DUXA: variants seen among roughly 807,000 people sequenced by gnomAD.
The protein encoded by DUXA is double homeobox A.
A neutral mutation model predicts 27.5 loss-of-function variants in DUXA; 25 were observed. That is an observed-to-expected ratio of 0.91 (90% CI 0.66 to 1.27). The LOEUF is 1.27. DUXA is among the 50% of genes most tolerant of loss of function. The probability of loss-of-function intolerance (pLI) is 0.00; values close to 1 mark genes in which losing one functional copy is unlikely to be tolerated. For synonymous variants in DUXA, 90 were observed against 80.5 expected (o/e 1.12, Z -0.63); for missense variants, 247 against 242.9 (o/e 1.02, Z -0.11).
chr19:57,154,657 G>A (rs768607074), intron 5 of DUXA, among the ~76,000 whole-genome samples, 175 bp from the exon 6 acceptor site: 31 of 151,582 alleles, frequency 2.0e-4, no homozygotes, highest in Middle Eastern at 6.8e-3. Flanking sequence ...TCCGCCTCCC[G>A]GGTTCACGCC....
Position 57,155,317 on chromosome 19 carries a change from A to G in DUXA, c.494T>C (p.Val165Ala), listed in dbSNP as rs1364462785. The G allele has an allele frequency of 6.2e-7, 1 of 1,614,244 alleles. No individual in the cohort carries two copies. Among genetic ancestry groups the G allele is most frequent in the Non-Finnish European group, 8.5e-7 (1 of 1,180,046 alleles). The change falls in exon 5 of 6, where the codon GTG becomes GCG. Residue 165 changes from valine to alanine, a missense_variant. Physicochemically the swap from Val to Ala is moderately conservative, Grantham distance 64 (BLOSUM62 0). Transcript: ENST00000554048. ...CTGCTCTTCTTGTTCTAAGGACGCC[A>G]CAGGTTCCCTTTTTCTCTGGAGAAG... ...RLLLQRKREP[V>A]ASLEQEEQGK...
At chr19:57,165,325 ATATAT>A (rs1484634241) in intron 1 of DUXA, among the ~76,000 whole-genome samples, 6 of 73,630 alleles carry the variant, frequency 8.1e-5, no homozygotes, top group Non-Finnish European at 1.7e-4. Flanking sequence ...AAAAAAAAAA[ATATAT>A]ATATATATAT....
chr19:57,157,070 A>G (rs2086996305), intron 4 of DUXA, among the ~76,000 whole-genome samples: 1 of 152,202 alleles, frequency 6.6e-6, no homozygotes, highest in Non-Finnish European at 1.5e-5. Context: ...TACCTAGCAC[A>G]TAGTAGATGC....
Position 57,165,324 on chromosome 19 carries a change from A to ATATATATATATATATAT in DUXA, c.25+2094_25+2095insATATATATATATATATA, listed in dbSNP as rs1555759590. Among the ~76,000 whole-genome samples, 302 of 89,094 alleles carry ATATATATATATATATAT rather than the reference A, an allele frequency of 3.4e-3. 1 individual carries two copies. The highest frequency in any genetic ancestry group is 6.0e-3 in the Middle Eastern group (1 of 168). The allele number at this position is 89,094 out of a possible 152,430, so 58.4% of individuals were successfully genotyped here. ...TCTGGAGTAGGAAAAAAAAAAAAAA[A>ATATATATATATATATAT]ATATATATATATATATATATGTATA... is the stretch of plus-strand genomic sequence containing the variant. On this transcript the variant is annotated intron_variant, in intron 1 of 5. Transcript: ENST00000554048.
At chr19:57,165,028 G>A (rs1471225217) in intron 1 of DUXA, among the ~76,000 whole-genome samples, 2 of 152,076 alleles carry the variant, frequency 1.3e-5, no homozygotes, top group Non-Finnish European at 2.9e-5. Context: ...AAAGAAAAAT[G>A]TCTTAGTATA....
At position 57,156,766 on chromosome 19, in the gene DUXA, G is replaced by A. The variant is rs1426977202; in HGVS notation, c.439-1394C>T. Among the ~76,000 whole-genome samples, 3 of 152,142 alleles carry A rather than the reference G, an allele frequency of 2.0e-5. No homozygotes were observed. In the East Asian group the frequency reaches 5.8e-4, roughly 29 times the overall value. On this transcript the variant is annotated intron_variant, in intron 4 of 5. Transcript: ENST00000554048. ...CGCAACCTCCGCCTCCCGGGTTCAA[G>A]CAATTCTCCTGCCTCAGCCTCCGGA...
chr19:57,163,284 A>G (rs1449773415), intron 1 of DUXA, among the ~76,000 whole-genome samples: 3 of 151,742 alleles, frequency 2.0e-5, no homozygotes, highest in Non-Finnish European at 4.4e-5. Flanking sequence ...CCATGCTATG[A>G]CCTCTCACTT....
At chr19:57,155,509 C>T in intron 4 of DUXA, 137 bp from the exon 5 acceptor site, 1 of 665,738 alleles carries the variant, frequency 1.5e-6, no homozygotes, top group Non-Finnish European at 2.5e-6. Flanking sequence ...AGCTGTGCAT[C>T]ATCACCTTAG....
In DUXA at chr19:57,155,072, G is replaced by GGCA. The variant is rs528927992; in HGVS notation, c.544+192_544+194dup. Among the ~76,000 whole-genome samples the GGCA allele has an allele frequency of 3.1e-4, 47 of 152,330 alleles. No individual in the cohort carries two copies. The South Asian group carries it at 9.3e-3, about 30-fold the overall frequency. ...GTTGCTGGAATCCAGTTGGAAAGTG[G>GGCA]GCAGTGGATTCTTCAGAAGGTTCAT... On this transcript the variant is annotated intron_variant, in intron 5 of 5. Transcript: ENST00000554048.
rs556993668 is a variant in DUXA at position 57,161,585 on chromosome 19, T to C, written c.26-788A>G. 1.7e-3 allele frequency among the ~76,000 whole-genome samples: 263 copies of C among 150,830 alleles called. 1 individual carries two copies. Among genetic ancestry groups the C allele is most frequent in the African/African-American group, 6.0e-3 (247 of 40,990 alleles). On this transcript the variant is annotated intron_variant, in intron 1 of 5. Transcript: ENST00000554048. ...TTGCAGTGAGCCGAGATTGCGCCAC[T>C]GCACTCCAGCCTGGGTGACAGAGCG...
intron 4 of DUXA, among the ~76,000 whole-genome samples, 177 bp downstream of exon 4, chr19:57,158,151 G>A (rs1020325666): frequency 6.6e-6 from 1 of 152,246 alleles, no homozygotes; most frequent in East Asian, 1.9e-4. Context: ...ATACCAGAAG[G>A]GGATGTGAGA....
chr19:57,164,510 G>A (rs1024112848), intron 1 of DUXA, among the ~76,000 whole-genome samples: 1 of 152,136 alleles, frequency 6.6e-6, no homozygotes, highest in Non-Finnish European at 1.5e-5. Flanking sequence ...GGGAGGCAGA[G>A]GTTGCAGTGA....
At chr19:57,156,918 G>C (rs1438429994) in intron 4 of DUXA, among the ~76,000 whole-genome samples, 1 of 152,016 alleles carries the variant, frequency 6.6e-6, no homozygotes, top group Non-Finnish European at 1.5e-5. Context: ...CACCCGCCTT[G>C]GCCTCCCAAA....
chr19:57,161,349 C>T (rs145413321), intron 1 of DUXA, among the ~76,000 whole-genome samples: 7,430 of 79,176 alleles, frequency 0.094, 547 homozygotes, highest in East Asian at 0.39. Flanking sequence ...AAAAACTGGG[C>T]GCGGTGGCTC....
chr19:57,162,131 C>T (rs1029921894), intron 1 of DUXA, among the ~76,000 whole-genome samples: 12 of 152,084 alleles, frequency 7.9e-5, no homozygotes, highest in Admixed American at 7.2e-4. Context: ...AAAGCGATTC[C>T]CCAGCCTTGG....
At chr19:57,155,021 TACA>T (rs1180923681) in intron 5 of DUXA, among the ~76,000 whole-genome samples, 2 of 152,250 alleles carry the variant, frequency 1.3e-5, no homozygotes, top group African/African-American at 4.8e-5. Context: ...GCACTGGGGA[TACA>T]ACAGTGAATT....
In DUXA at chr19:57,160,655, C is replaced by G. The variant is rs1357273358; in HGVS notation, c.168G>C (p.Glu56Asp). The G allele has an allele frequency of 6.2e-7, 1 of 1,612,544 alleles. No individual in the cohort carries two copies. The highest frequency in any genetic ancestry group is 1.1e-5 in the South Asian group (1 of 90,956). Residue 56 changes from glutamate to aspartate, a missense_variant, in exon 2 of 6, where the codon GAG (glutamate) becomes GAC (aspartate). Physicochemically the swap from Glu to Asp is conservative, Grantham distance 45. Transcript: ENST00000554048. ...QKLALEINTE[E>D]SRIQIWFQNR... ...AACTTTAACTTACCTGGATTCTGGA[C>G]TCTTCTGTATTGATTTCTAAAGCAA...
rs76540597 is a variant in DUXA at position 57,165,942 on chromosome 19, C to T, written c.25+1477G>A. On this transcript the variant is annotated intron_variant, in intron 1 of 5. Coordinates refer to ENST00000554048, the MANE Select transcript of DUXA (RefSeq NM_001012729.2). ...GTGTATCAGATGATGAGTATTTCCACGGCAAAGAAGACTCAAGTGGCAAGA... is the reference window on the plus strand; with the variant it reads ...GTGTATCAGATGATGAGTATTTCCATGGCAAAGAAGACTCAAGTGGCAAGA... Among the ~76,000 whole-genome samples the T allele has an allele frequency of 8.1e-3, 1,228 of 152,012 alleles. 14 individuals are homozygous for T. Among genetic ancestry groups the T allele is most frequent in the African/African-American group, 0.021 (879 of 41,438 alleles).
At chr19:57,162,267 A>T (rs759087335) in intron 1 of DUXA, among the ~76,000 whole-genome samples, 5 of 152,170 alleles carry the variant, frequency 3.3e-5, no homozygotes, top group South Asian at 2.1e-4. Context: ...AGGTATTTTT[A>T]AAAACACCAC....
Sources: allele counts gnomAD v4.1 joint callset (sites outside exome capture counted in the v4.1 genomes callset), GRCh38; gene constraint gnomAD v4.1.1; transcripts MANE v1.5; gene names NCBI Gene and HGNC (gene_info 2026-07-23, HGNC 2026-07-21).